NHS: variants seen among roughly 807,000 people sequenced by gnomAD.
NHS encodes the protein NHS actin remodeling regulator, also known as actin remodeling regulator NHS.
NHS carries 5 observed loss-of-function variants against 72.5 expected under a neutral mutation model. That is an observed-to-expected ratio of 0.07 (90% CI 0.04 to 0.14). The LOEUF is 0.14. NHS is among the 10% of genes least tolerant of loss of function. The pLI is 1.00. For missense variants in NHS, 1,072 were observed against 1,355.7 expected, an observed-to-expected ratio of 0.79 and a Z score of 3.29; for synonymous variants, 464 against 547.7, an observed-to-expected ratio of 0.85 and a Z score of 2.13.
intron 1 of NHS, among the ~76,000 whole-genome samples, chrX:17,559,190 T>G (rs943868781): frequency 6.3e-5 from 7 of 111,841 alleles, no homozygotes; most frequent in Admixed American, 3.8e-4. Context: ...GATTTTGGCT[T>G]AGTAGAGGAG....
chrX:17,677,688 T>TG (rs1365707903), intron 1 of NHS, among the ~76,000 whole-genome samples: 3 of 112,084 alleles, frequency 2.7e-5, no homozygotes, highest in Non-Finnish European at 5.6e-5. Flanking sequence ...GTGTTATAAC[T>TG]GGGAGCTAAT....
At chrX:17,512,293 T>C (rs974577869) in intron 1 of NHS, among the ~76,000 whole-genome samples, 11 of 112,079 alleles carry the variant, frequency 9.8e-5, no homozygotes, top group African/African-American at 2.9e-4. Context: ...AAAAATAAGA[T>C]AGGAACCTAA....
intron 1 of NHS, among the ~76,000 whole-genome samples, chrX:17,667,255 G>A (rs2066018461): frequency 8.9e-6 from 1 of 112,315 alleles, no homozygotes; most frequent in African/African-American, 3.2e-5. Context: ...TGAGCAGAAC[G>A]AAGCACTAAT....
At chrX:17,585,554 C>T (rs1395431422) in intron 1 of NHS, among the ~76,000 whole-genome samples, 1 of 110,148 alleles carries the variant, frequency 9.1e-6, no homozygotes, top group African/African-American at 3.3e-5. Flanking sequence ...AGATTTTCTT[C>T]ATGGTTGCTC....
At chrX:17,724,989 T>C (rs2066431587) in intron 6 of NHS, among the ~76,000 whole-genome samples, 1 of 111,759 alleles carries the variant, frequency 8.9e-6, no homozygotes, top group African/African-American at 3.3e-5. Context: ...TATTTCATCA[T>C]GTTTATATTA....
intron 1 of NHS, among the ~76,000 whole-genome samples, chrX:17,529,928 C>T (rs1050311440): frequency 9.0e-6 from 1 of 110,896 alleles, no homozygotes; most frequent in African/African-American, 3.3e-5. Flanking sequence ...CTTTGGTGTC[C>T]CCTGTTGACA....
At chrX:17,560,556 A>G (rs1238562608) in intron 1 of NHS, among the ~76,000 whole-genome samples, 1 of 112,148 alleles carries the variant, frequency 8.9e-6, no homozygotes, top group East Asian at 2.8e-4. Context: ...TCATCCTGCT[A>G]TTACATGATG....
In NHS at chrX:17,727,700, C is replaced by T; in HGVS notation, c.3594C>T (p.Thr1198=). Residue 1198 remains threonine, a synonymous_variant, in exon 7 of 9, where the codon ACC becomes ACT. Transcript: ENST00000676302. Reference sequence around the variant, plus strand: ...CTCGTCAATACTCCACTGAAGACACCATACTGTCCTTTTTAGACTCTTCTG... The same window carrying T: ...CTCGTCAATACTCCACTGAAGACACTATACTGTCCTTTTTAGACTCTTCTG... ...SVSRQYSTED[T]ILSFLDSSAV... The T allele has an allele frequency of 8.3e-7, 1 of 1,211,103 alleles. No individual in the cohort carries two copies. Among genetic ancestry groups the T allele is most frequent in the Admixed American group, 2.2e-5 (1 of 46,057 alleles).
At chrX:17,693,309 A>C (rs926696657) in intron 3 of NHS, among the ~76,000 whole-genome samples, 8 of 111,995 alleles carry the variant, frequency 7.1e-5, no homozygotes, top group Non-Finnish European at 1.3e-4. Context: ...ACAACTGAGC[A>C]CTTTGTGCCT....
chrX:17,383,641 G>T (rs1749947674), intron 1 of NHS, among the ~76,000 whole-genome samples: 1 of 112,033 alleles, frequency 8.9e-6, no homozygotes, highest in African/African-American at 3.2e-5. Context: ...GCTCTCAAGA[G>T]AACTTACTCA....
At chrX:17,730,083 T>G (rs763769886) in intron 8 of NHS, among the ~76,000 whole-genome samples, 91 of 112,324 alleles carry the variant, frequency 8.1e-4, no homozygotes, top group Non-Finnish European at 1.4e-3. Context: ...ACCATTAGTT[T>G]CTTTTCCTTC....
At chrX:17,546,178 G>C (rs1038025728) in intron 1 of NHS, among the ~76,000 whole-genome samples, 3 of 111,781 alleles carry the variant, frequency 2.7e-5, no homozygotes, top group Non-Finnish European at 5.6e-5. Flanking sequence ...CTAGATTCTG[G>C]GGCCAATTGC....
At chrX:17,387,489 C>G (rs1364081581) in intron 1 of NHS, among the ~76,000 whole-genome samples, 1 of 112,075 alleles carries the variant, frequency 8.9e-6, no homozygotes, top group Non-Finnish European at 1.9e-5. Flanking sequence ...GTTCATTTCT[C>G]TGACTCTAGA....
chrX:17,476,199 A>G (rs1379373517), intron 1 of NHS, among the ~76,000 whole-genome samples: 1 of 111,710 alleles, frequency 9.0e-6, no homozygotes, highest in Non-Finnish European at 1.9e-5. Context: ...CCTAAAGAAG[A>G]AGCAGTGCAG....
chrX:17,731,454 T>C (rs1481483446), intron 8 of NHS, among the ~76,000 whole-genome samples: 1 of 109,772 alleles, frequency 9.1e-6, no homozygotes, highest in East Asian at 2.9e-4. Context: ...GCCAGGATGG[T>C]CTCGAACTCC....
intron 1 of NHS, among the ~76,000 whole-genome samples, chrX:17,401,579 A>G (rs1490798633): frequency 7.1e-5 from 8 of 112,003 alleles, no homozygotes. Context: ...TCATTTCAGG[A>G]GGCTGGAAGT....
intron 1 of NHS, among the ~76,000 whole-genome samples, chrX:17,571,778 A>T (rs5909148): frequency 0.45 from 49,726 of 110,592 alleles, 9,008 homozygotes; most frequent in East Asian, 0.76. Context: ...ATTTTAGATC[A>T]TTCCTGCTTT....
At chrX:17,533,256 C>T (rs776836721) in intron 1 of NHS, among the ~76,000 whole-genome samples, 1 of 111,711 alleles carries the variant, frequency 9.0e-6, no homozygotes, top group Non-Finnish European at 1.9e-5. Context: ...ACAGATTTTT[C>T]GGCAACCTTT....
intron 1 of NHS, among the ~76,000 whole-genome samples, chrX:17,526,530 C>G (rs767574159): frequency 8.9e-6 from 1 of 112,027 alleles, no homozygotes. Context: ...GTCACAGAAC[C>G]AAACCCAGAT....
Sources: gnomAD v4.1 joint callset for allele counts (sites outside exome capture counted in the v4.1 genomes callset) on GRCh38, gnomAD v4.1.1 for gene constraint, MANE v1.5 for transcripts, NCBI Gene and HGNC (gene_info 2026-07-23, HGNC 2026-07-21) for gene names.